Variants in EYA1 observed in about 807,000 individuals in gnomAD.
The protein encoded by EYA1 is EYA transcriptional coactivator and phosphatase 1.
In EYA1, 16 loss-of-function variants were observed where a neutral mutation model predicts 82.0. That is an observed-to-expected ratio of 0.20 (90% CI 0.13 to 0.30). The LOEUF (loss-of-function observed/expected upper bound fraction) is 0.30. EYA1 is among the 10% of genes least tolerant of loss of function. The probability of loss-of-function intolerance (pLI) is 1.00; values close to 1 mark genes in which losing one functional copy is unlikely to be tolerated. For synonymous variants in EYA1, 261 were observed against 264.4 expected (o/e 0.99, Z 0.12); for missense variants, 633 against 730.7 (o/e 0.87, Z 1.54).
At chr8:71,230,448 C>A (rs1034207930) in intron 12 of EYA1, among the ~76,000 whole-genome samples, 1 of 152,198 alleles carries the variant, frequency 6.6e-6, no homozygotes, top group Non-Finnish European at 1.5e-5. Flanking sequence ...GAAAGGAAGA[C>A]ACTCTGTTAT....
chr8:71,328,492 C>G lies in EYA1; in HGVS notation c.202+5605G>C, dbSNP rs149238201. Among the ~76,000 whole-genome samples the G allele has an allele frequency of 1.6e-3, 240 of 152,290 alleles. 1 individual carries two copies. Among genetic ancestry groups the G allele is most frequent in the African/African-American group, 5.5e-3 (230 of 41,568 alleles). ...TCCTTTACAGCTTCAGCCTCTCCACCACCTACCCCTTCACCTTCAGCTAAG... is the reference window on the plus strand; with the variant it reads ...TCCTTTACAGCTTCAGCCTCTCCACGACCTACCCCTTCACCTTCAGCTAAG... On this transcript the variant is annotated intron_variant, in intron 4 of 17. Coordinates refer to ENST00000340726, the MANE Select transcript of EYA1 (RefSeq NM_000503.6).
intron 3 of EYA1, among the ~76,000 whole-genome samples, chr8:71,343,427 G>A (rs563550876): frequency 2.6e-5 from 4 of 152,258 alleles, no homozygotes; most frequent in Middle Eastern, 3.4e-3. Context: ...CCACCCTCAC[G>A]AATGTATTAA....
At chr8:71,344,499 T>C (rs952961363) in intron 3 of EYA1, among the ~76,000 whole-genome samples, 3 of 152,224 alleles carry the variant, frequency 2.0e-5, no homozygotes, top group Non-Finnish European at 4.4e-5. Flanking sequence ...ATATTTATTA[T>C]TATTGTGTAA....
At chr8:71,474,666 A>G (rs1024761661) in intron 2 of EYA1, among the ~76,000 whole-genome samples, 3 of 152,334 alleles carry the variant, frequency 2.0e-5, no homozygotes, top group African/African-American at 7.2e-5. Flanking sequence ...TAATTTTTAT[A>G]GCCAAAGAAA....
At chr8:71,200,414 A>G (rs2128805016) in intron 17 of EYA1, among the ~76,000 whole-genome samples, 1 of 152,326 alleles carries the variant, frequency 6.6e-6, no homozygotes, top group South Asian at 2.1e-4. Flanking sequence ...CTATTTTGAT[A>G]TGTAGATCAC....
chr8:71,236,983 T>C (rs375581627), intron 12 of EYA1, among the ~76,000 whole-genome samples: 9 of 152,182 alleles, frequency 5.9e-5, no homozygotes, highest in Non-Finnish European at 1.2e-4. Flanking sequence ...TCTTACTGCA[T>C]TGTAGATCAT....
intron 2 of EYA1, among the ~76,000 whole-genome samples, chr8:71,498,213 C>CA (rs1356474952): frequency 2.0e-5 from 3 of 152,106 alleles, no homozygotes; most frequent in Non-Finnish European, 4.4e-5. Context: ...GTTCTCACCA[C>CA]AAAAATGGTA....
At position 71,350,834 on chromosome 8, in the gene EYA1, C is replaced by T. The variant is rs185189415; in HGVS notation, c.124+3948G>A. The stretch of plus-strand genomic sequence containing the variant: ...TTAAGCTCCCATGGACTTAAGACAA[C>T]CAGCGAAAACAAAGATGGAAAGAAT... On this transcript the variant is annotated intron_variant, in intron 3 of 17. Transcript: ENST00000340726. 3.9e-3 allele frequency among the ~76,000 whole-genome samples: 599 copies of T among 152,222 alleles called. 4 individuals are homozygous for T. Among genetic ancestry groups the T allele is most frequent in the African/African-American group, 0.013 (540 of 41,528 alleles).
At chr8:71,451,844 G>A (rs868753003) in intron 2 of EYA1, among the ~76,000 whole-genome samples, 2 of 152,332 alleles carry the variant, frequency 1.3e-5, no homozygotes, top group East Asian at 3.9e-4. Context: ...CAGTGTGAGC[G>A]ACGCAGAAGA....
intron 1 of EYA1, among the ~76,000 whole-genome samples, chr8:71,357,508 C>T (rs751731968): frequency 2.0e-5 from 3 of 152,204 alleles, no homozygotes; most frequent in Non-Finnish European, 2.9e-5. Context: ...TTCTGCAAAA[C>T]GTTTAAAATG....
At chr8:71,291,314 G>A (rs1052682149) in intron 9 of EYA1, among the ~76,000 whole-genome samples, 1 of 152,118 alleles carries the variant, frequency 6.6e-6, no homozygotes, top group Non-Finnish European at 1.5e-5. Flanking sequence ...CTACTTTCTT[G>A]TGCCTTGGCA....
intron 1 of EYA1, among the ~76,000 whole-genome samples, chr8:71,536,121 C>A (rs976575784): frequency 1.3e-5 from 2 of 152,186 alleles, no homozygotes; most frequent in African/African-American, 4.8e-5. Flanking sequence ...GGGGGAGCAG[C>A]TAAAGATCCT....
At chr8:71,395,882 G>T (rs1829575610) in intron 2 of EYA1, among the ~76,000 whole-genome samples, 2 of 152,030 alleles carry the variant, frequency 1.3e-5, no homozygotes, top group African/African-American at 4.8e-5. Flanking sequence ...GCTCCTGTTT[G>T]TACATGTGGT....
chr8:71,353,753 A>AT (rs1242859002), intron 3 of EYA1, among the ~76,000 whole-genome samples: 1 of 152,106 alleles, frequency 6.6e-6, no homozygotes, highest in African/African-American at 2.4e-5. Flanking sequence ...AGCTTTGTTT[A>AT]TTTTTTTAAA....
At chr8:71,389,154 A>G (rs1586608856) in intron 2 of EYA1, among the ~76,000 whole-genome samples, 1 of 151,858 alleles carries the variant, frequency 6.6e-6, no homozygotes, top group East Asian at 1.9e-4. Context: ...CCCCAAACTC[A>G]CTATTTTTTA....
At chr8:71,298,664 C>A (rs1421449691) in intron 9 of EYA1, among the ~76,000 whole-genome samples, 1 of 152,104 alleles carries the variant, frequency 6.6e-6, no homozygotes, top group Non-Finnish European at 1.5e-5. Context: ...TGATGAAAAA[C>A]ACTAAATATT....
At chr8:71,272,601 C>A (rs144315903) in intron 9 of EYA1, among the ~76,000 whole-genome samples, 13 of 152,118 alleles carry the variant, frequency 8.5e-5, no homozygotes, top group African/African-American at 2.9e-4. Flanking sequence ...TACATAGAAA[C>A]CACAAAATAA....
intron 2 of EYA1, among the ~76,000 whole-genome samples, chr8:71,408,305 C>T (rs1250342731): frequency 6.6e-6 from 1 of 151,890 alleles, no homozygotes; most frequent in Non-Finnish European, 1.5e-5. Context: ...TAGGAAGAAA[C>T]TGCATCAACT....
chr8:71,213,610 T>G (rs1275701359), intron 16 of EYA1, among the ~76,000 whole-genome samples: 1 of 152,244 alleles, frequency 6.6e-6, no homozygotes, highest in East Asian at 1.9e-4. Flanking sequence ...TTCTTGGCCC[T>G]TCTTGGGAAG....
Sources: gnomAD v4.1 joint callset for allele counts (sites outside exome capture counted in the v4.1 genomes callset) on GRCh38, gnomAD v4.1.1 for gene constraint, MANE v1.5 for transcripts, NCBI Gene and HGNC (gene_info 2026-07-23, HGNC 2026-07-21) for gene names.